Variants in ARHGEF7 observed in about 807,000 individuals in gnomAD.
ARHGEF7 encodes PAK-interacting exchange factor beta.
ARHGEF7 carries 33 observed loss-of-function variants against 109.8 expected under a neutral mutation model. The observed-to-expected ratio is 0.30, with a 90% CI of 0.23 to 0.40. ARHGEF7 has a LOEUF of 0.40. Ranked by LOEUF, ARHGEF7 falls within the 10% of genes least tolerant of loss-of-function variation. ARHGEF7 has a pLI of 1.00. For synonymous variants in ARHGEF7, 458 were observed against 424.6 expected (o/e 1.08, Z -0.97); for missense variants, 938 against 1,098.5 (o/e 0.85, Z 2.07).
intron 21 of ARHGEF7, 108 bp downstream of exon 21, chr13:111,301,640 C>A: frequency 1.1e-6 from 1 of 890,512 alleles, no homozygotes; most frequent in Non-Finnish European, 1.7e-6. Context: ...CACCTATAAT[C>A]CCAGCACTTT....
At chr13:111,274,595 A>C (rs1213314482) in intron 10 of ARHGEF7, 136 bp from the exon 11 acceptor site, 1 of 436,238 alleles carries the variant, frequency 2.3e-6, no homozygotes. Flanking sequence ...AAAGACTGAC[A>C]CTTTAATGCT....
chr13:111,133,791 ATATATATATATATAT>A (rs1566606792), intron 1 of ARHGEF7, among the ~76,000 whole-genome samples: 4 of 102,908 alleles, frequency 3.9e-5, no homozygotes, highest in Non-Finnish European at 7.3e-5. Context: ...ATATATATAT[ATATATATATATATAT>A]ATATATATTT....
chr13:111,177,615 G>A (rs996880478), intron 2 of ARHGEF7, among the ~76,000 whole-genome samples: 12 of 152,136 alleles, frequency 7.9e-5, no homozygotes, highest in African/African-American at 1.4e-4. Flanking sequence ...CTGCTGCCCC[G>A]GTGCCACTTG....
intron 18 of ARHGEF7, among the ~76,000 whole-genome samples, chr13:111,289,586 C>G (rs891048819): frequency 2.0e-5 from 3 of 152,050 alleles, no homozygotes; most frequent in Non-Finnish European, 4.4e-5. Context: ...CTTTCCAGCT[C>G]GACTGTCACT....
chr13:111,137,412 C>T (rs913201024), intron 1 of ARHGEF7, among the ~76,000 whole-genome samples: 8 of 152,220 alleles, frequency 5.3e-5, no homozygotes, highest in African/African-American at 2.4e-5. Context: ...CAGGAGGCCA[C>T]GGTGTCCTCA....
chr13:111,121,532 TTG>T (rs937519591), intron 1 of ARHGEF7, among the ~76,000 whole-genome samples: 2 of 147,362 alleles, frequency 1.4e-5, no homozygotes, highest in African/African-American at 5.0e-5. Context: ...GCAGAGCCGT[TTG>T]TTCTTGTGTA....
At position 111,275,848 on chromosome 13, in the gene ARHGEF7, A is replaced by G. The variant is rs1428411819; in HGVS notation, c.1419+170A>G. On this transcript the variant is annotated intron_variant, in intron 12 of 21. Transcript: ENST00000646102. ...ACAGGAGAGAGGCTTATGGCATGTTAGAGAGGCTTAGAGCTGAGTGTGGAC... is the reference window on the plus strand; with the variant it reads ...ACAGGAGAGAGGCTTATGGCATGTTGGAGAGGCTTAGAGCTGAGTGTGGAC... The G allele has an allele frequency of 6.4e-6, 5 of 779,560 alleles. No homozygotes were observed. In the Admixed American group the frequency reaches 9.4e-5, roughly 15 times the overall value. The allele number at this position is 779,560 out of a possible 1,614,324, so 48.3% of individuals were successfully genotyped here.
At chr13:111,265,642 T>C (rs1354091162) in intron 8 of ARHGEF7, 2 of 456,724 alleles carry the variant, frequency 4.4e-6, no homozygotes, top group East Asian at 6.9e-5. Context: ...CAGAGTGTGC[T>C]GTGGTCTGAA....
At chr13:111,281,748 C>G (rs1038685200) in intron 15 of ARHGEF7, among the ~76,000 whole-genome samples, 7 of 152,154 alleles carry the variant, frequency 4.6e-5, no homozygotes, top group Admixed American at 2.0e-4. Flanking sequence ...AATTTTATAT[C>G]AAGTCAGCTT....
intron 4 of ARHGEF7, 130 bp downstream of exon 4, chr13:111,210,132 C>CGTT: frequency 1.7e-6 from 2 of 1,197,684 alleles, no homozygotes; most frequent in Middle Eastern, 2.1e-4. Context: ...ACTTCGCCTC[C>CGTT]GTTGTGCCTG....
chr13:111,300,461 T>G (rs1204907642), intron 19 of ARHGEF7, among the ~76,000 whole-genome samples: 1 of 152,158 alleles, frequency 6.6e-6, no homozygotes, highest in East Asian at 1.9e-4. Flanking sequence ...ACCTTTAACT[T>G]CCTCCCTGTT....
chr13:111,281,181 C>CTTTTTTTTTTTTTTTTTTTTTTT (rs11403258), intron 15 of ARHGEF7: 8 of 59,446 alleles, frequency 1.3e-4, no homozygotes, highest in Admixed American at 4.6e-4. Context: ...TATTTAGAGA[C>CTTTTTTTTTTTTTTTTTTTTTTT]TTTTTTTTTT....
intron 19 of ARHGEF7, among the ~76,000 whole-genome samples, chr13:111,296,470 T>G (rs1466875224): frequency 6.6e-6 from 1 of 152,180 alleles, no homozygotes; most frequent in Non-Finnish European, 1.5e-5. Flanking sequence ...ACCGAGCATC[T>G]ACAGGCACAT....
chr13:111,212,964 CACA>C, intron 4 of ARHGEF7, among the ~76,000 whole-genome samples: 3 of 152,130 alleles, frequency 2.0e-5, no homozygotes, highest in Admixed American at 2.0e-4. Flanking sequence ...TACCCAAGAT[CACA>C]GCACTCAGAA....
In ARHGEF7 at chr13:111,303,927, C is replaced by T. The variant is rs1281005701; in HGVS notation, c.*814C>T. ...TCTGTATAGGCTAGTTCAGTAACAA[C>T]AAAATACACTGTTTTGTCTTCCCTC... On this transcript the variant is annotated 3_prime_UTR_variant, in exon 22 of 22. Coordinates refer to ENST00000646102, the MANE Select transcript of ARHGEF7 (RefSeq NM_001354046.2). 6.6e-6 allele frequency: 1 copy of T among 152,192 alleles called. No individual in the cohort carries two copies. The highest frequency in any genetic ancestry group is 2.4e-5 in the African/African-American group (1 of 41,442). The allele number at this position is 152,192 out of a possible 1,614,324, so 9.4% of individuals were successfully genotyped here.
chr13:111,162,492 C>T (rs753355488), intron 2 of ARHGEF7, among the ~76,000 whole-genome samples: 14 of 152,158 alleles, frequency 9.2e-5, no homozygotes, highest in Non-Finnish European at 1.8e-4. Flanking sequence ...GGAGTTCTGG[C>T]TGTAAATGCA....
chr13:111,302,868 T>TA, intron 21 of ARHGEF7, 123 bp from the exon 22 acceptor site: 1 of 1,275,442 alleles, frequency 7.8e-7, no homozygotes, highest in Non-Finnish European at 1.1e-6. Flanking sequence ...TCAGAGCCCA[T>TA]AGGCAGCTCA....
Position 111,160,212 on chromosome 13 carries a change from G to T in ARHGEF7, c.252+6221G>T, listed in dbSNP as rs186021259. Among the ~76,000 whole-genome samples, 467 of 152,242 alleles carry T rather than the reference G, an allele frequency of 3.1e-3. 2 individuals are homozygous for T. The highest frequency in any genetic ancestry group is 0.011 in the African/African-American group (445 of 41,526). On this transcript the variant is annotated intron_variant, in intron 2 of 21. Transcript: ENST00000646102. ...TCTATTCTGCTCTGTTGGTCTGTGTGTCTGCTTTTATGCTAGTGCCATGCT... is the reference window on the plus strand; with the variant it reads ...TCTATTCTGCTCTGTTGGTCTGTGTTTCTGCTTTTATGCTAGTGCCATGCT...
chr13:111,292,962 G>T, intron 19 of ARHGEF7: 1 of 985,654 alleles, frequency 1.0e-6, no homozygotes, highest in Non-Finnish European at 1.2e-6. Flanking sequence ...GTGCTCTTCT[G>T]TGTGCTGCGT....
Sources: gnomAD v4.1 joint callset for allele counts (sites outside exome capture counted in the v4.1 genomes callset) on GRCh38, gnomAD v4.1.1 for gene constraint, MANE v1.5 for transcripts, NCBI Gene and HGNC (gene_info 2026-07-23, HGNC 2026-07-21) for gene names.